DENND1A: variants seen among roughly 807,000 people sequenced by gnomAD.
The protein encoded by DENND1A is DENN domain containing 1A.
DENND1A carries 51 observed loss-of-function variants against 113.7 expected under a neutral mutation model. The observed-to-expected ratio is 0.45, with a 90% confidence interval of 0.36 to 0.57. The LOEUF is 0.57. DENND1A is among the 20% of genes least tolerant of loss of function. The probability of loss-of-function intolerance (pLI) is 0.00; values close to 1 mark genes in which losing one functional copy is unlikely to be tolerated. For synonymous variants in DENND1A, 565 were observed against 570.8 expected (o/e 0.99, Z 0.14); for missense variants, 1,258 against 1,395.9 (o/e 0.90, Z 1.57).
Position 123,818,822 on chromosome 9 carries a change from G to C in DENND1A, c.89-26192C>G, listed in dbSNP as rs1329008380. Reference sequence around the variant, plus strand: ...TTTTGGATTTCAAATTTTTAGATTAGGGATGTTCAACCTGTAATAACAAAA... The same window carrying C: ...TTTTGGATTTCAAATTTTTAGATTACGGATGTTCAACCTGTAATAACAAAA... On this transcript the variant is annotated intron_variant, in intron 2 of 23. Transcript: ENST00000394215. Among the ~76,000 whole-genome samples the C allele has an allele frequency of 4.6e-5, 7 of 152,108 alleles. No homozygotes were observed. The East Asian group carries it at 1.2e-3, about 25-fold the overall frequency.
intron 2 of DENND1A, among the ~76,000 whole-genome samples, chr9:123,848,728 C>T (rs763375713): frequency 1.8e-4 from 28 of 152,190 alleles, no homozygotes; most frequent in Non-Finnish European, 3.2e-4. Context: ...AACAGCCCAA[C>T]TGCGAATCCA....
At chr9:123,538,149 T>C (rs189426133) in intron 13 of DENND1A, among the ~76,000 whole-genome samples, 1 of 152,348 alleles carries the variant, frequency 6.6e-6, no homozygotes, top group East Asian at 1.9e-4. Context: ...TTTTTGGAGA[T>C]TATGAAACTA....
intron 2 of DENND1A, among the ~76,000 whole-genome samples, chr9:123,866,759 G>T (rs1171608136): frequency 6.6e-6 from 1 of 152,174 alleles, no homozygotes; most frequent in African/African-American, 2.4e-5. Flanking sequence ...AACCTGCCAA[G>T]TAGATAGAAG....
chr9:123,404,460 C>G (rs7865976), intron 20 of DENND1A, among the ~76,000 whole-genome samples: 5 of 152,118 alleles, frequency 3.3e-5, no homozygotes, highest in Non-Finnish European at 7.3e-5. Context: ...CCGAGCCTGC[C>G]GGGGCAGGGG....
rs1455735594 is a variant in DENND1A, at chr9:123,764,204, T to A, written c.182+5310A>T. 1.3e-5 allele frequency among the ~76,000 whole-genome samples: 2 copies of A among 152,180 alleles called. No homozygotes were observed. Among genetic ancestry groups the A allele is most frequent in the Non-Finnish European group, 2.9e-5 (2 of 68,028 alleles). On this transcript the variant is annotated intron_variant, in intron 4 of 23. Coordinates refer to ENST00000394215, the MANE Select transcript of DENND1A (RefSeq NM_001352964.2). This position sits in a 1 kb window ranked among gnomAD's most constrained non-coding sequence, Gnocchi z 4.1. Reference sequence around the variant, plus strand: ...GTGGTTGCAGATTAGAGATAATGTATACAAGATAACTAGCATATAGTAGGT... The same window carrying A: ...GTGGTTGCAGATTAGAGATAATGTAAACAAGATAACTAGCATATAGTAGGT...
chr9:123,918,453 T>A (rs897530249), intron 1 of DENND1A, among the ~76,000 whole-genome samples: 10 of 143,176 alleles, frequency 7.0e-5, no homozygotes, highest in Non-Finnish European at 1.2e-4. Context: ...ACGCCACTGC[T>A]CTCCAGCCTG....
At chr9:123,905,861 T>C (rs1336304392) in intron 1 of DENND1A, among the ~76,000 whole-genome samples, 2 of 151,396 alleles carry the variant, frequency 1.3e-5, no homozygotes, top group African/African-American at 2.4e-5. Context: ...GCAAACCTAA[T>C]AGACATCTAC....
intron 20 of DENND1A, among the ~76,000 whole-genome samples, chr9:123,410,861 C>A (rs185223587): frequency 5.9e-5 from 9 of 152,242 alleles, no homozygotes; most frequent in African/African-American, 2.2e-4. Flanking sequence ...TGGTAAACAG[C>A]CCCCATCGAA....
At chr9:123,877,241 A>G (rs1847617826) in intron 2 of DENND1A, among the ~76,000 whole-genome samples, 1 of 152,224 alleles carries the variant, frequency 6.6e-6, no homozygotes. Context: ...AAGTAATCCC[A>G]ACACTTTGGG....
intron 5 of DENND1A, among the ~76,000 whole-genome samples, chr9:123,704,480 T>C (rs891048379): frequency 6.6e-6 from 1 of 152,178 alleles, no homozygotes; most frequent in East Asian, 1.9e-4. Flanking sequence ...GGAGTTGCAA[T>C]CCAAATTCAC....
In DENND1A at chr9:123,381,580, G is replaced by A. The variant is rs373157481; in HGVS notation, c.3065C>T (p.Thr1022Ile). 2 of 1,613,604 alleles carry A rather than the reference G, an allele frequency of 1.2e-6. No homozygotes were observed. Among genetic ancestry groups the A allele is most frequent in the South Asian group, 1.1e-5 (1 of 91,092 alleles). Residue 1022 changes from threonine (T) to isoleucine (I), a missense_variant, in exon 24 of 24, where the codon ACA (threonine) becomes ATA (isoleucine). Physicochemically the swap from Thr to Ile is moderately conservative, Grantham distance 89. Transcript: ENST00000394215. The surrounding 1 kb of genome is among the most constrained non-coding windows in gnomAD (Gnocchi z 4.7). ...CTGTTGAGGAGCAGAGGGCTGCAGT[G>A]TTGGCTCCAGGCCTTGAGGGGGCCT... Reference protein sequence around the residue: ...PPRPPQGLEPTLQPSAPQQAR... With the variant: ...PPRPPQGLEPILQPSAPQQAR...
intron 6 of DENND1A, among the ~76,000 whole-genome samples, chr9:123,674,918 C>G (rs948536681): frequency 2.0e-5 from 3 of 150,916 alleles, no homozygotes; most frequent in Admixed American, 6.6e-5. Flanking sequence ...CTGTTAAGAG[C>G]CTACATATTA....
chr9:123,835,091 A>C (rs1840846735), intron 2 of DENND1A, among the ~76,000 whole-genome samples: 1 of 151,998 alleles, frequency 6.6e-6, no homozygotes, highest in Non-Finnish European at 1.5e-5. Flanking sequence ...TCTCCCTCTA[A>C]AATAACTTGC....
chr9:123,792,082 A>G (rs1564279328), intron 3 of DENND1A, among the ~76,000 whole-genome samples: 1 of 152,128 alleles, frequency 6.6e-6, no homozygotes, highest in African/African-American at 2.4e-5. Context: ...GCCAACCTTA[A>G]CTCACTATCC....
At chr9:123,403,300 G>C (rs1320116309) in intron 21 of DENND1A, 102 bp downstream of exon 21, 1 of 1,175,690 alleles carries the variant, frequency 8.5e-7, no homozygotes, top group Non-Finnish European at 1.2e-6. Context: ...GGAGCCCCGG[G>C]GAAGCCTCAC....
intron 13 of DENND1A, among the ~76,000 whole-genome samples, chr9:123,502,050 T>G (rs2052533005): frequency 6.6e-6 from 1 of 152,174 alleles, no homozygotes; most frequent in South Asian, 2.1e-4. Context: ...CATATCTCTA[T>G]CTCTATCTCC....
intron 1 of DENND1A, among the ~76,000 whole-genome samples, chr9:123,929,301 G>A (rs1857602515): frequency 6.6e-6 from 1 of 152,180 alleles, no homozygotes; most frequent in African/African-American, 2.4e-5. Context: ...ACAACACAGA[G>A]GTATCCTCCT....
At chr9:123,557,011 C>T (rs1033269496) in intron 13 of DENND1A, among the ~76,000 whole-genome samples, 3 of 152,168 alleles carry the variant, frequency 2.0e-5, no homozygotes, top group African/African-American at 7.2e-5. Flanking sequence ...GGTCACTTCC[C>T]GGTCTTCATT....
intron 5 of DENND1A, among the ~76,000 whole-genome samples, chr9:123,735,109 A>G (rs1360008728): frequency 6.6e-6 from 1 of 152,210 alleles, no homozygotes; most frequent in Non-Finnish European, 1.5e-5. Flanking sequence ...TCCCCCCAAG[A>G]AAATCAAGGA....
Sources: gnomAD v4.1 joint callset for allele counts (sites outside exome capture counted in the v4.1 genomes callset) on GRCh38, gnomAD v4.1.1 for gene constraint, Gnocchi (gnomAD v3.1) non-coding constraint, MANE v1.5 for transcripts, NCBI Gene and HGNC (gene_info 2026-07-23, HGNC 2026-07-21) for gene names.